The following UNC79 variants were observed in gnomAD, a reference collection of about 807,000 sequenced individuals.
UNC79 encodes protein unc-79 homolog.
Under a neutral mutation model 283.1 loss-of-function variants are expected in UNC79, and 37 were observed. The ratio of observed to expected loss-of-function variants is 0.13; its 90% CI spans 0.10 to 0.17. UNC79 has a LOEUF of 0.17. UNC79 is among the 10% of genes least tolerant of loss of function. UNC79 has a pLI of 1.00. For synonymous variants in UNC79, 1,107 were observed against 1,200.2 expected (o/e 0.92, Z 1.61); for missense variants, 2,272 against 3,211.1 (o/e 0.71, Z 7.07).
intron 8 of UNC79, among the ~76,000 whole-genome samples, chr14:93,527,873 T>A (rs988141231): frequency 6.6e-6 from 1 of 152,140 alleles, no homozygotes; most frequent in African/African-American, 2.4e-5. Context: ...ATTCTGATGA[T>A]CAACTGTGAA....
intron 1 of UNC79, among the ~76,000 whole-genome samples, chr14:93,373,067 CAT>C (rs1211206315): frequency 2.0e-5 from 3 of 152,140 alleles, no homozygotes; most frequent in Non-Finnish European, 4.4e-5. Flanking sequence ...CTAAATAACA[CAT>C]GAGTCAAAGA....
intron 1 of UNC79, among the ~76,000 whole-genome samples, chr14:93,337,840 CT>C (rs1213195424): frequency 2.6e-5 from 4 of 152,118 alleles, no homozygotes; most frequent in African/African-American, 7.2e-5. Context: ...TGTTTCCAAG[CT>C]TTTGGGTGCC....
At chr14:93,476,077 C>T (rs116929314) in intron 3 of UNC79, among the ~76,000 whole-genome samples, 2,141 of 152,148 alleles carry the variant, frequency 0.014, 23 homozygotes, top group Middle Eastern at 0.037. Context: ...ATTCTGGTCC[C>T]ACCCGGGGAC....
intron 27 of UNC79, among the ~76,000 whole-genome samples, chr14:93,614,700 A>G (rs1011821403): frequency 2.6e-5 from 4 of 151,884 alleles, no homozygotes; most frequent in African/African-American, 4.8e-5. Flanking sequence ...AATTAATCAT[A>G]CAACTTAACT....
At chr14:93,459,815 C>T (rs1159426271) in intron 1 of UNC79, among the ~76,000 whole-genome samples, 2 of 82,444 alleles carry the variant, frequency 2.4e-5, no homozygotes, top group Non-Finnish European at 4.8e-5. Flanking sequence ...GGATTACAGG[C>T]GCCCACCACC....
At chr14:93,458,518 A>G (rs2056855919) in intron 1 of UNC79, among the ~76,000 whole-genome samples, 1 of 152,156 alleles carries the variant, frequency 6.6e-6, no homozygotes, top group Non-Finnish European at 1.5e-5. Context: ...AAAAATGAGT[A>G]CTGCAAATGA....
exon 46 of UNC79, chr14:93,691,767 T>C: frequency 6.2e-7 from 1 of 1,614,164 alleles, no homozygotes; most frequent in Non-Finnish European, 8.5e-7. Context: ...GCTGCACATG[T>C]GCTCCCTCTT....
chr14:93,344,075 G>A (rs1165612142), intron 1 of UNC79, among the ~76,000 whole-genome samples: 1 of 152,140 alleles, frequency 6.6e-6, no homozygotes, highest in Non-Finnish European at 1.5e-5. Flanking sequence ...TGAATTTGGA[G>A]TCACCACTGT....
chr14:93,644,229 TGA>T (rs1201964495), intron 34 of UNC79, among the ~76,000 whole-genome samples: 1 of 152,178 alleles, frequency 6.6e-6, no homozygotes, highest in African/African-American at 2.4e-5. Context: ...TCAACCTGAC[TGA>T]GAGATTACGC....
chr14:93,541,617 G>A (rs1212537381), intron 13 of UNC79, among the ~76,000 whole-genome samples: 1 of 152,180 alleles, frequency 6.6e-6, no homozygotes, highest in Non-Finnish European at 1.5e-5. Flanking sequence ...TTGAAGGCAA[G>A]GACAATGTTT....
At chr14:93,699,711 C>T (rs1035678502) in intron 47 of UNC79, among the ~76,000 whole-genome samples, 1 of 152,132 alleles carries the variant, frequency 6.6e-6, no homozygotes, top group South Asian at 2.1e-4. Flanking sequence ...CACCTCCTGA[C>T]TTTTTGCTAT....
chr14:93,654,283 G>A (rs1411982813), intron 37 of UNC79, among the ~76,000 whole-genome samples: 1 of 152,110 alleles, frequency 6.6e-6, no homozygotes, highest in Non-Finnish European at 1.5e-5. Context: ...TCGAGGCCAG[G>A]AGTTCAAGAC....
chr14:93,551,470 G>T (rs978567672), intron 14 of UNC79, among the ~76,000 whole-genome samples: 1 of 152,184 alleles, frequency 6.6e-6, no homozygotes, highest in African/African-American at 2.4e-5. Flanking sequence ...TGTGATGGTT[G>T]TCTTGAGTTA....
chr14:93,585,894 T>C (rs573613360), intron 20 of UNC79, among the ~76,000 whole-genome samples: 2 of 151,716 alleles, frequency 1.3e-5, no homozygotes, highest in East Asian at 3.9e-4. Context: ...TTTTTTTTTT[T>C]TTTTTGAGAC....
chr14:93,544,898 G>A (rs908327268), intron 14 of UNC79, among the ~76,000 whole-genome samples: 6 of 152,178 alleles, frequency 3.9e-5, no homozygotes, highest in Non-Finnish European at 7.3e-5. Flanking sequence ...AGAGGTGAGT[G>A]TTTGGTGAAC....
intron 8 of UNC79, among the ~76,000 whole-genome samples, chr14:93,528,127 G>A (rs2060629188): frequency 6.6e-6 from 1 of 152,116 alleles, no homozygotes; most frequent in Admixed American, 6.6e-5. Flanking sequence ...TCTACCACTA[G>A]CACTTTGGTA....
At chr14:93,553,381 T>C (rs1335968855) in intron 14 of UNC79, among the ~76,000 whole-genome samples, 4 of 152,200 alleles carry the variant, frequency 2.6e-5, no homozygotes, top group African/African-American at 4.8e-5. Context: ...TTCTGCTTGA[T>C]ATTTATGGAC....
In UNC79 at chr14:93,355,419, G is replaced by A. The variant is rs576749214; in HGVS notation, c.-351+21896G>A. Among the ~76,000 whole-genome samples, 156 of 152,142 alleles carry A rather than the reference G, an allele frequency of 1.0e-3. 2 individuals are homozygous for A. The highest frequency in any genetic ancestry group is 5.4e-3 in the South Asian group (26 of 4,814). ...TCACCATATTGGCCAGGCTGGTCTC[G>A]AACACTTGACCTCGTGATCGGCCTG... On this transcript the variant is annotated intron_variant, in intron 1 of 49. Coordinates refer to the UNC79 transcript ENST00000256339.
chr14:93,407,033 AG>A (rs2055240992), intron 1 of UNC79, among the ~76,000 whole-genome samples: 1 of 152,094 alleles, frequency 6.6e-6, no homozygotes, highest in South Asian at 2.1e-4. Flanking sequence ...CTTGGTTTGT[AG>A]CTGCATCACT....
Sources: gnomAD v4.1 joint callset for allele counts (sites outside exome capture counted in the v4.1 genomes callset) on GRCh38, gnomAD v4.1.1 for gene constraint, MANE v1.5 for transcripts, NCBI Gene and HGNC (gene_info 2026-07-23, HGNC 2026-07-21) for gene names.